The following ZNF610 variants were observed in gnomAD, a reference collection of about 807,000 sequenced individuals.
ZNF610 encodes the protein zinc finger protein 610, also known as zink finger protein.
In ZNF610, 14 loss-of-function variants were observed where a neutral mutation model predicts 14.1. The ratio of observed to expected loss-of-function variants is 0.99; its 90% CI spans 0.65 to 1.55. The LOEUF (loss-of-function observed/expected upper bound fraction) is 1.55, where lower values mean the gene tolerates loss of function less well. ZNF610 is among the 40% of genes most tolerant of loss of function. The probability of loss-of-function intolerance (pLI) is 0.00; values close to 1 mark genes in which losing one functional copy is unlikely to be tolerated. For synonymous variants in ZNF610, 185 were observed against 187.6 expected (o/e 0.99, Z 0.11); for missense variants, 530 against 558.0 (o/e 0.95, Z 0.51).
intron 1 of ZNF610, among the ~76,000 whole-genome samples, chr19:52,344,501 G>A (rs751808877): frequency 2.6e-5 from 4 of 152,212 alleles, no homozygotes; most frequent in East Asian, 1.9e-4. Flanking sequence ...ACCCCTCTGA[G>A]TGGAGCTCAG....
At chr19:52,349,461 G>C (rs1600233367) in intron 3 of ZNF610, among the ~76,000 whole-genome samples, 1 of 152,090 alleles carries the variant, frequency 6.6e-6, no homozygotes, top group African/African-American at 2.4e-5. Flanking sequence ...CGGGGTGAGG[G>C]TCCCGTGGTG....
intron 1 of ZNF610, among the ~76,000 whole-genome samples, chr19:52,342,074 G>T (rs1568645556): frequency 6.6e-6 from 1 of 152,042 alleles, no homozygotes; most frequent in South Asian, 2.1e-4. Flanking sequence ...CACCCGAGTA[G>T]CCAGGACTAC....
chr19:52,338,371 C>G (rs1384221916), intron 1 of ZNF610, among the ~76,000 whole-genome samples: 1 of 152,098 alleles, frequency 6.6e-6, no homozygotes, highest in Non-Finnish European at 1.5e-5. Context: ...AAGAGCCTTC[C>G]TAGCAAACTA....
At chr19:52,336,143 A>G, upstream of ZNF610, 1 of 163,698 alleles carries the variant, frequency 6.1e-6, no homozygotes, top group South Asian at 1.4e-4. Flanking sequence ...CCTCACTGCC[A>G]GCAAAACCCG....
chr19:52,339,019 AG>A (rs776675067), intron 1 of ZNF610, among the ~76,000 whole-genome samples: 45 of 152,046 alleles, frequency 3.0e-4, no homozygotes, highest in East Asian at 9.8e-4. Flanking sequence ...AATAGTGGGG[AG>A]AGGGTCAGCA....
At chr19:52,335,539 A>T (rs1984334816), upstream of ZNF610, among the ~76,000 whole-genome samples, 1 of 152,080 alleles carries the variant, frequency 6.6e-6, no homozygotes, top group South Asian at 2.1e-4. Context: ...GACTCAGTGG[A>T]CTGGGAAAGG....
chr19:52,358,907 C>T (rs1002718595), intron 5 of ZNF610, among the ~76,000 whole-genome samples: 1 of 152,186 alleles, frequency 6.6e-6, no homozygotes, highest in Admixed American at 6.5e-5. Context: ...AAGAGACTGT[C>T]CTCTCTCGTT....
chr19:52,333,911 C>T (rs944442369), upstream of ZNF610, among the ~76,000 whole-genome samples: 3 of 152,158 alleles, frequency 2.0e-5, no homozygotes, highest in Admixed American at 1.3e-4. Context: ...ATTGAGTTCT[C>T]CAGCTATGGA....
At chr19:52,345,743 C>T (rs563677268) in intron 1 of ZNF610, among the ~76,000 whole-genome samples, 14 of 151,564 alleles carry the variant, frequency 9.2e-5, no homozygotes, top group African/African-American at 1.2e-4. Flanking sequence ...CTCGCTCTGT[C>T]GCCCAGGCTG....
chr19:52,356,302 C>T (rs73579094), intron 5 of ZNF610, among the ~76,000 whole-genome samples: 1,565 of 152,244 alleles, frequency 0.01, 32 homozygotes, highest in African/African-American at 0.036. Flanking sequence ...AACAGAAAGA[C>T]CCTGTATTCG....
upstream of ZNF610, among the ~76,000 whole-genome samples, chr19:52,334,260 A>G (rs1984268469): frequency 6.8e-6 from 1 of 146,074 alleles, no homozygotes; most frequent in Non-Finnish European, 1.5e-5. Context: ...CACGCCTGTA[A>G]TCCCAGCACT....
At chr19:52,354,447 C>T (rs916174478) in intron 5 of ZNF610, 68 bp downstream of exon 5, 25 of 1,528,954 alleles carry the variant, frequency 1.6e-5, no homozygotes, top group African/African-American at 9.8e-5. Flanking sequence ...CAGGGTGTTC[C>T]GCTATCACCC....
In ZNF610 at chr19:52,366,030, A is replaced by C; in HGVS notation, c.652A>C (p.Ser218Arg). The stretch of plus-strand genomic sequence containing the variant: ...TGGTGAAGTTTTTAGAGTCCGTGCA[A>C]GCCTTACTAACCATCAAGTAATCCA... ...EDGEVFRVRA[S>R]LTNHQVIHTA... is the part of the protein sequence containing the mutation. Residue 218 changes from serine (S) to arginine (R), a missense_variant, in exon 6 of 6, where the codon AGC becomes CGC. By Grantham distance (110) the Ser-to-Arg change is moderately radical. Coordinates refer to ENST00000403906, the MANE Select transcript of ZNF610 (RefSeq NM_001161425.2). 6.2e-7 allele frequency: 1 copy of C among 1,614,130 alleles called. No individual in the cohort carries two copies. The highest frequency in any genetic ancestry group is 8.5e-7 in the Non-Finnish European group (1 of 1,180,012).
chr19:52,359,456 A>G (rs1319374771), intron 5 of ZNF610, among the ~76,000 whole-genome samples: 2 of 152,306 alleles, frequency 1.3e-5, no homozygotes, highest in Non-Finnish European at 1.5e-5. Context: ...TATGGATCCC[A>G]TGGATACGTA....
At chr19:52,348,756 TTC>T (rs2122211629) in intron 2 of ZNF610, among the ~76,000 whole-genome samples, 1 of 152,268 alleles carries the variant, frequency 6.6e-6, no homozygotes, top group Non-Finnish European at 1.5e-5. Flanking sequence ...TTCCAGTGTG[TTC>T]TGTCTCTGGC....
intron 5 of ZNF610, among the ~76,000 whole-genome samples, chr19:52,355,672 A>G (rs749147883): frequency 3.2e-4 from 48 of 152,224 alleles, no homozygotes; most frequent in Non-Finnish European, 6.2e-4. Context: ...TGACCAACAC[A>G]GCTGTAAGCT....
chr19:52,336,258 G>T lies in ZNF610; in HGVS notation c.-506G>T. ...GCAGTTTTTTGCAGACCCGGAAGCG[G>T]ATCGCGTGGGTAGAAGGTCACACCG... On this transcript the variant is annotated 5_prime_UTR_variant, in exon 1 of 6. Coordinates refer to ENST00000403906, the MANE Select transcript of ZNF610 (RefSeq NM_001161425.2). The T allele has an allele frequency of 3.7e-6, 1 of 270,980 alleles. No homozygotes were observed. The highest frequency in any genetic ancestry group is 7.0e-6 in the Non-Finnish European group (1 of 141,950). 16.8% of individuals were successfully genotyped at this position (270,980 alleles called of 1,614,324 possible).
At chr19:52,339,469 C>T (rs1226905239) in intron 1 of ZNF610, among the ~76,000 whole-genome samples, 1 of 152,066 alleles carries the variant, frequency 6.6e-6, no homozygotes, top group Non-Finnish European at 1.5e-5. Flanking sequence ...GTACTCGAGA[C>T]TGGAGAATGG....
intron 3 of ZNF610, among the ~76,000 whole-genome samples, chr19:52,353,449 C>T (rs537958264): frequency 1.3e-5 from 2 of 152,174 alleles, no homozygotes; most frequent in Non-Finnish European, 2.9e-5. Context: ...AAACTCTTCC[C>T]ATGAACCCAG....
Sources: gnomAD v4.1 joint callset for allele counts (sites outside exome capture counted in the v4.1 genomes callset) on GRCh38, gnomAD v4.1.1 for gene constraint, MANE v1.5 for transcripts, NCBI Gene and HGNC (gene_info 2026-07-23, HGNC 2026-07-21) for gene names.